ESR1: variants seen among roughly 807,000 people sequenced by gnomAD.
ESR1 encodes estrogen receptor.
ESR1 carries 12 observed loss-of-function variants against 52.7 expected under a neutral mutation model. The ratio of observed to expected loss-of-function variants is 0.23; its 90% CI spans 0.15 to 0.37. The LOEUF (loss-of-function observed/expected upper bound fraction) is 0.37, where lower values mean the gene tolerates loss of function less well. Ranked by LOEUF, ESR1 falls within the 10% of genes least tolerant of loss-of-function variation. The pLI is 1.00. For synonymous variants in ESR1, 305 were observed against 316.8 expected (o/e 0.96, Z 0.39); for missense variants, 584 against 779.7 (o/e 0.75, Z 2.99).
In ESR1 at chr6:151,996,817, T is replaced by C. The variant is rs146660249; in HGVS notation, c.1097-14839T>C. On this transcript the variant is annotated intron_variant, in intron 4 of 7. Coordinates refer to ENST00000206249, the MANE Select transcript of ESR1 (RefSeq NM_000125.4). ...ATTTGAGGAATGAAATTGTTATTGATATATTGATTTAACTGAGCAAATCCA... is the reference window on the plus strand; with the variant it reads ...ATTTGAGGAATGAAATTGTTATTGACATATTGATTTAACTGAGCAAATCCA... 1.3e-3 allele frequency among the ~76,000 whole-genome samples: 204 copies of C among 152,246 alleles called. 2 individuals carry two copies. The highest frequency in any genetic ancestry group is 4.7e-3 in the African/African-American group (197 of 41,576).
At chr6:151,892,377 T>C (rs568939176) in intron 3 of ESR1, among the ~76,000 whole-genome samples, 33 of 152,146 alleles carry the variant, frequency 2.2e-4, no homozygotes, top group South Asian at 4.1e-4. Context: ...CGGGCAACTG[T>C]AAAAACCGGT....
intron 1 of ESR1, chr6:151,811,349 G>A (rs1315147109): frequency 6.6e-6 from 1 of 152,090 alleles, no homozygotes; most frequent in Non-Finnish European, 1.5e-5. Context: ...AAACAACTTA[G>A]GAACTTTGAA....
At chr6:152,082,867 C>T (rs923094756) in intron 6 of ESR1, among the ~76,000 whole-genome samples, 23 of 152,100 alleles carry the variant, frequency 1.5e-4, no homozygotes, top group African/African-American at 5.6e-4. Context: ...TTCAGAATTA[C>T]TACAAAGAGA....
chr6:151,704,591 C>A (rs1282848034), intron 2 of ESR1, among the ~76,000 whole-genome samples: 1 of 152,174 alleles, frequency 6.6e-6, no homozygotes, highest in African/African-American at 2.4e-5. Context: ...ATAAAAGTTC[C>A]ATTTCTTTTA....
At chr6:152,006,214 CAGT>C (rs2128757222) in intron 4 of ESR1, among the ~76,000 whole-genome samples, 1 of 152,166 alleles carries the variant, frequency 6.6e-6, no homozygotes, top group Non-Finnish European at 1.5e-5. Context: ...TATTTTCTAA[CAGT>C]AGTACATATT....
At chr6:152,121,119 G>A (rs1371629472) in intron 6 of ESR1, among the ~76,000 whole-genome samples, 1 of 152,142 alleles carries the variant, frequency 6.6e-6, no homozygotes, top group Admixed American at 6.5e-5. Context: ...AGTTTTATGT[G>A]CCCCAGAATT....
chr6:151,810,312 C>CT (rs1408286204), intron 1 of ESR1, among the ~76,000 whole-genome samples: 1 of 152,030 alleles, frequency 6.6e-6, no homozygotes, highest in Non-Finnish European at 1.5e-5. Flanking sequence ...AAATGGGACT[C>CT]TGTGTGGAAA....
At chr6:152,077,331 G>A (rs777673272) in intron 6 of ESR1, among the ~76,000 whole-genome samples, 13 of 152,222 alleles carry the variant, frequency 8.5e-5, no homozygotes, top group African/African-American at 2.2e-4. Flanking sequence ...CAGAAGATAC[G>A]TGGAAATGCC....
chr6:152,107,734 C>T (rs909814580), downstream of ESR1, among the ~76,000 whole-genome samples: 1 of 152,250 alleles, frequency 6.6e-6, no homozygotes, highest in East Asian at 1.9e-4. Context: ...TCTTATTCTT[C>T]CCTGCTTGTT....
At chr6:151,697,999 G>A (rs1017334033) in intron 1 of ESR1, among the ~76,000 whole-genome samples, 1 of 152,144 alleles carries the variant, frequency 6.6e-6, no homozygotes, top group Non-Finnish European at 1.5e-5. Flanking sequence ...TAGGGAGGCT[G>A]AGGCAAGAGA....
At chr6:151,682,713 G>C (rs1027374916) in intron 1 of ESR1, among the ~76,000 whole-genome samples, 12 of 152,176 alleles carry the variant, frequency 7.9e-5, no homozygotes, top group South Asian at 6.2e-4. Flanking sequence ...TCTGAATCTT[G>C]TTTAGGTTTC....
intron 2 of ESR1, among the ~76,000 whole-genome samples, chr6:151,765,018 C>G (rs1784939261): frequency 6.6e-6 from 1 of 152,114 alleles, no homozygotes; most frequent in African/African-American, 2.4e-5. Flanking sequence ...TTCTAGTAAT[C>G]ACATTAAAAT....
At chr6:151,712,410 G>T (rs1780689904) in intron 2 of ESR1, among the ~76,000 whole-genome samples, 1 of 152,084 alleles carries the variant, frequency 6.6e-6, no homozygotes, top group Non-Finnish European at 1.5e-5. Flanking sequence ...GGATAGCATT[G>T]AATCTATTAA....
chr6:152,087,969 A>G (rs965135454), intron 6 of ESR1, among the ~76,000 whole-genome samples: 3 of 152,182 alleles, frequency 2.0e-5, no homozygotes, highest in Non-Finnish European at 4.4e-5. Context: ...TTTGAGATTC[A>G]CAAACCTTAA....
Position 151,745,608 on chromosome 6 carries a change from T to C in ESR1, c.-71+43603T>C, listed in dbSNP as rs9968965. Reference sequence around the variant, plus strand: ...TCCACCATCCCAAACTCTAAGACTTTGTTGGTAAGTTTTGTATGTCACAGG... The same window carrying C: ...TCCACCATCCCAAACTCTAAGACTTCGTTGGTAAGTTTTGTATGTCACAGG... On this transcript the variant is annotated intron_variant, in intron 2 of 2. Transcript: ENST00000404742. 9.4e-3 allele frequency among the ~76,000 whole-genome samples: 1,435 copies of C among 152,296 alleles called. 27 individuals are homozygous for C. Among genetic ancestry groups the C allele is most frequent in the African/African-American group, 0.033 (1,382 of 41,546 alleles).
At chr6:151,951,141 T>C (rs1393205357) in intron 4 of ESR1, among the ~76,000 whole-genome samples, 2 of 152,190 alleles carry the variant, frequency 1.3e-5, no homozygotes, top group East Asian at 3.8e-4. Flanking sequence ...GATTTTACCC[T>C]TCAGAATAAT....
At chr6:151,921,499 G>A (rs188670505) in intron 3 of ESR1, among the ~76,000 whole-genome samples, 101 of 152,194 alleles carry the variant, frequency 6.6e-4, no homozygotes, top group Non-Finnish European at 1.4e-3. Flanking sequence ...AGATCTTTGA[G>A]GAATTGCTAC....
chr6:151,719,010 G>C (rs886225653), intron 2 of ESR1, among the ~76,000 whole-genome samples: 1 of 152,102 alleles, frequency 6.6e-6, no homozygotes, highest in South Asian at 2.1e-4. Context: ...TCTTCCCTTC[G>C]TCACGTCCAT....
At chr6:151,899,103 G>A (rs1213471565) in intron 3 of ESR1, among the ~76,000 whole-genome samples, 6 of 141,278 alleles carry the variant, frequency 4.2e-5, no homozygotes, top group Non-Finnish European at 7.6e-5. Flanking sequence ...CCTCCCGGAC[G>A]GGGCGGCTGG....
Sources: allele counts gnomAD v4.1 joint callset (sites outside exome capture counted in the v4.1 genomes callset), GRCh38; gene constraint gnomAD v4.1.1; transcripts MANE v1.5; gene names NCBI Gene and HGNC (gene_info 2026-07-23, HGNC 2026-07-21).